EPB41: variants seen among roughly 807,000 people sequenced by gnomAD.
EPB41 encodes erythrocyte membrane protein band 4.1, also known as protein 4.1.
Under a neutral mutation model 108.0 loss-of-function variants are expected in EPB41, and 65 were observed. The observed-to-expected ratio is 0.60, with a 90% CI of 0.49 to 0.74. The LOEUF is 0.74. EPB41 is among the 30% of genes least tolerant of loss of function. EPB41 has a pLI of 0.00. For missense variants in EPB41, 875 were observed against 1,037.0 expected, an observed-to-expected ratio of 0.84 and a Z score of 2.15; for synonymous variants, 336 against 358.9, an observed-to-expected ratio of 0.94 and a Z score of 0.72.
intron 1 of EPB41, among the ~76,000 whole-genome samples, chr1:28,977,508 AGGATTGAGATGGAAC>A (rs1557885113): frequency 6.6e-6 from 1 of 151,744 alleles, no homozygotes; most frequent in Non-Finnish European, 1.5e-5. Context: ...TTTGAGGATT[AGGATTGAGATGGAAC>A]GGTAACTCGT....
At chr1:29,016,980 A>G (rs2096586659) in intron 6 of EPB41, among the ~76,000 whole-genome samples, 2 of 152,336 alleles carry the variant, frequency 1.3e-5, no homozygotes, top group East Asian at 3.9e-4. Context: ...AGTTCTATAC[A>G]AAGTCAATGC....
At position 29,047,253 on chromosome 1, in the gene EPB41, C is replaced by CTTTTTTTTT. The variant is rs755248112; in HGVS notation, c.1637-5843_1637-5835dup. On this transcript the variant is annotated intron_variant, in intron 11 of 20. Transcript: ENST00000343067. ...TGTTTCTTTTTTCTTTCTTTCTTTCCTTTTTTTTTTTTTTTTGGAGAGAGA... is the reference window on the plus strand; with the variant it reads ...TGTTTCTTTTTTCTTTCTTTCTTTCCTTTTTTTTTTTTTTTTTTTTTTTTTGGAGAGAGA... Among the ~76,000 whole-genome samples the CTTTTTTTTT allele has an allele frequency of 3.3e-3, 334 of 100,478 alleles. 40 individuals are homozygous for CTTTTTTTTT. Among genetic ancestry groups the CTTTTTTTTT allele is most frequent in the African/African-American group, 0.016 (312 of 19,716 alleles). The allele number at this position is 100,478 out of a possible 152,430, so 65.9% of individuals were successfully genotyped here.
intron 1 of EPB41, among the ~76,000 whole-genome samples, chr1:28,942,527 G>A (rs1178357141): frequency 6.6e-6 from 1 of 152,230 alleles, no homozygotes; most frequent in East Asian, 1.9e-4. Context: ...GAAATGCATA[G>A]GGCAAGGTAT....
intron 4 of EPB41, among the ~76,000 whole-genome samples, chr1:28,997,844 G>T (rs148299139): frequency 2.3e-4 from 35 of 152,212 alleles, no homozygotes; most frequent in Admixed American, 1.0e-3. Context: ...GGAAACCATT[G>T]TTAACTTTTG....
At chr1:28,933,098 AT>A (rs1157522314) in intron 1 of EPB41, among the ~76,000 whole-genome samples, 5 of 152,018 alleles carry the variant, frequency 3.3e-5, no homozygotes, top group Admixed American at 6.6e-5. Flanking sequence ...GTCTTTATGT[AT>A]TTTTTTCTTT....
intron 11 of EPB41, among the ~76,000 whole-genome samples, chr1:29,043,485 T>C (rs1558129575): frequency 6.6e-6 from 1 of 152,238 alleles, no homozygotes; most frequent in Non-Finnish European, 1.5e-5. Flanking sequence ...GCTGCTAAGC[T>C]AAGAACTTGA....
chr1:29,033,100 A>T lies in EPB41; in HGVS notation c.1220A>T (p.Glu407Val). 1 of 1,613,844 alleles carries T rather than the reference A, an allele frequency of 6.2e-7. No individual in the cohort carries two copies. Among genetic ancestry groups the T allele is most frequent in the Non-Finnish European group, 8.5e-7 (1 of 1,179,876 alleles). The change falls in exon 9 of 21, where the codon GAA (glutamate) becomes GTA (valine). Residue 407 changes from glutamate (E) to valine (V), a missense_variant. Physicochemically the swap from Glu to Val is moderately radical, Grantham distance 121. This residue lies in a region of EPB41 where 519 missense variants were observed against 627.3 expected (regional missense o/e 0.83). Coordinates refer to ENST00000343067, the MANE Select transcript of EPB41 (RefSeq NM_001376013.1). ...GVDLHKAKDLEGVDIILGVCS... is the reference protein window; with the variant it reads ...GVDLHKAKDLVGVDIILGVCS... ...AACATTTTTCTTTTTCAGGACTTGG[A>T]AGGAGTAGATATCATCCTAGGTGTC...
intron 1 of EPB41, among the ~76,000 whole-genome samples, chr1:28,957,285 T>G (rs1009398755): frequency 1.3e-5 from 2 of 152,276 alleles, no homozygotes; most frequent in Non-Finnish European, 2.9e-5. Context: ...GGATGCCCAT[T>G]GATTTTTGCC....
chr1:28,933,174 C>T (rs186380096), intron 1 of EPB41, among the ~76,000 whole-genome samples: 14 of 152,128 alleles, frequency 9.2e-5, no homozygotes, highest in Non-Finnish European at 7.4e-5. Flanking sequence ...ACATATTTGC[C>T]GTGTTCACTA....
At chr1:28,926,998 A>T (rs1164395149) in intron 1 of EPB41, among the ~76,000 whole-genome samples, 1 of 152,166 alleles carries the variant, frequency 6.6e-6, no homozygotes, top group African/African-American at 2.4e-5. Flanking sequence ...TCAGAGCTTT[A>T]TTTCCGGTTG....
chr1:28,942,996 C>T (rs2094352643), intron 1 of EPB41, among the ~76,000 whole-genome samples: 1 of 152,136 alleles, frequency 6.6e-6, no homozygotes, highest in African/African-American at 2.4e-5. Flanking sequence ...CCTCCAGCTC[C>T]ACCCTCCCCC....
At chr1:29,062,718 G>A (rs906142284) in intron 15 of EPB41, among the ~76,000 whole-genome samples, 5 of 139,926 alleles carry the variant, frequency 3.6e-5, no homozygotes, top group Admixed American at 2.3e-4. Flanking sequence ...GCTTTGTTCT[G>A]GCACAAATAA....
chr1:28,993,228 T>G, intron 2 of EPB41, 102 bp from the exon 3 acceptor site: 1 of 926,680 alleles, frequency 1.1e-6, no homozygotes, highest in Non-Finnish European at 1.8e-6. Flanking sequence ...ATATTTGTTT[T>G]AGTTCATGCT....
intron 19 of EPB41, among the ~76,000 whole-genome samples, chr1:29,114,025 G>A (rs752516674): frequency 6.6e-6 from 1 of 152,176 alleles, no homozygotes; most frequent in Admixed American, 6.5e-5. Context: ...GCCCACAGAG[G>A]TGGTAGTTCT....
intron 1 of EPB41, among the ~76,000 whole-genome samples, chr1:28,900,523 A>G (rs1178812327): frequency 1.3e-5 from 2 of 152,094 alleles, no homozygotes; most frequent in African/African-American, 4.8e-5. Flanking sequence ...CCTGACCTCA[A>G]GTGATCTGCC....
At chr1:28,960,830 CA>C (rs1340325043) in intron 1 of EPB41, among the ~76,000 whole-genome samples, 1 of 151,878 alleles carries the variant, frequency 6.6e-6, no homozygotes, top group Non-Finnish European at 1.5e-5. Flanking sequence ...GTGAGGAGTT[CA>C]AGACCAGCCT....
intron 16 of EPB41, among the ~76,000 whole-genome samples, chr1:29,074,282 C>T (rs1652894443): frequency 6.6e-6 from 1 of 152,158 alleles, no homozygotes; most frequent in South Asian, 2.1e-4. Context: ...CAAACTATAG[C>T]ATTCTCTGCA....
chr1:28,937,203 T>C (rs1307114431), intron 1 of EPB41, among the ~76,000 whole-genome samples: 2 of 152,204 alleles, frequency 1.3e-5, no homozygotes, highest in Non-Finnish European at 2.9e-5. Flanking sequence ...TGGCCATTTG[T>C]GTATCTTCTC....
rs563850841 is a variant in EPB41 at position 28,969,127 on chromosome 1, C to T, written c.-7-18304C>T. 3.3e-5 allele frequency among the ~76,000 whole-genome samples: 5 copies of T among 150,792 alleles called. No individual in the cohort carries two copies. In the South Asian group the frequency reaches 6.3e-4, roughly 19 times the overall value. The stretch of plus-strand genomic sequence containing the variant: ...TAAGACAGAGTCTTGCCCTGTCACC[C>T]AAGCTGCGGTGCAGTGGCACAGTCT... On this transcript the variant is annotated intron_variant, in intron 1 of 20. Transcript: ENST00000343067.
Sources: gnomAD v4.1 joint callset for allele counts (sites outside exome capture counted in the v4.1 genomes callset) on GRCh38, gnomAD v4.1.1 for gene constraint, gnomAD v4.1.1 regional missense constraint, MANE v1.5 for transcripts, NCBI Gene and HGNC (gene_info 2026-07-23, HGNC 2026-07-21) for gene names.